KIF21A: variants seen among roughly 807,000 people sequenced by gnomAD.
KIF21A encodes kinesin-like protein KIF21A.
Under a neutral mutation model 202.9 loss-of-function variants are expected in KIF21A, and 114 were observed. That is an observed-to-expected ratio of 0.56 (90% CI 0.48 to 0.66). The LOEUF (loss-of-function observed/expected upper bound fraction) is 0.66. KIF21A is among the 30% of genes least tolerant of loss of function. The pLI is 0.00. For synonymous variants in KIF21A, 667 were observed against 670.8 expected, an observed-to-expected ratio of 0.99 and a Z score of 0.09; for missense variants, 1,677 against 1,994.9, an observed-to-expected ratio of 0.84 and a Z score of 3.04.
intron 1 of KIF21A, among the ~76,000 whole-genome samples, chr12:39,377,953 CAT>C (rs1240569321): frequency 6.6e-6 from 1 of 152,136 alleles, no homozygotes; most frequent in Admixed American, 6.5e-5. Flanking sequence ...CCACTGGACT[CAT>C]AAACTTTATG....
intron 27 of KIF21A, chr12:39,322,369 TAGG>T (rs1945370133): frequency 4.1e-6 from 1 of 243,990 alleles, no homozygotes; most frequent in Admixed American, 5.1e-5. Context: ...AACTTTAATT[TAGG>T]TATTTCTATA....
chr12:39,418,997 G>A (rs1420931756), intron 1 of KIF21A, among the ~76,000 whole-genome samples: 1 of 152,198 alleles, frequency 6.6e-6, no homozygotes, highest in Admixed American at 6.5e-5. Context: ...CTCTTAAGCG[G>A]AAAAGGCACA....
At chr12:39,401,717 A>T (rs1286056554) in intron 1 of KIF21A, among the ~76,000 whole-genome samples, 1 of 152,178 alleles carries the variant, frequency 6.6e-6, no homozygotes, top group Non-Finnish European at 1.5e-5. Flanking sequence ...AGAAGTGTTT[A>T]ATGTTGTCAC....
At position 39,386,989 on chromosome 12, in the gene KIF21A, G is replaced by A. The variant is rs1174798831; in HGVS notation, c.45-16728C>T. Among the ~76,000 whole-genome samples, 3 of 151,896 alleles carry A rather than the reference G, an allele frequency of 2.0e-5. No individual in the cohort carries two copies. In the East Asian group the frequency reaches 5.8e-4, roughly 29 times the overall value. ...TTCTCACCTAAGCATGGAGGTAACT[G>A]TCATTGATTAAGACACTGGAGAATT... On this transcript the variant is annotated intron_variant, in intron 1 of 37. Coordinates refer to ENST00000361418, the MANE Select transcript of KIF21A (RefSeq NM_001173464.2).
chr12:39,389,112 T>A (rs1951160252), intron 1 of KIF21A, among the ~76,000 whole-genome samples: 1 of 152,096 alleles, frequency 6.6e-6, no homozygotes, highest in Non-Finnish European at 1.5e-5. Context: ...TGTAAATGTC[T>A]GTCATACAGT....
intron 1 of KIF21A, among the ~76,000 whole-genome samples, chr12:39,402,441 T>A (rs953402440): frequency 1.3e-5 from 2 of 152,202 alleles, no homozygotes; most frequent in Admixed American, 1.3e-4. Flanking sequence ...CTTATGCCTA[T>A]AATTCCAACT....
At chr12:39,345,284 C>G (rs1409832905) in intron 12 of KIF21A, among the ~76,000 whole-genome samples, 1 of 152,100 alleles carries the variant, frequency 6.6e-6, no homozygotes, top group East Asian at 1.9e-4. Context: ...AATGACGCAT[C>G]TTATTTTTAC....
At chr12:39,388,347 GC>G (rs746200018) in intron 1 of KIF21A, among the ~76,000 whole-genome samples, 111 of 152,270 alleles carry the variant, frequency 7.3e-4, no homozygotes, top group Middle Eastern at 6.8e-3. Flanking sequence ...GCAGTCTGAA[GC>G]CCTCACCAGA....
At chr12:39,339,235 C>CAA (rs35065621) in intron 16 of KIF21A, among the ~76,000 whole-genome samples, 6,897 of 130,444 alleles carry the variant, frequency 0.053, 593 homozygotes, top group African/African-American at 0.17. Context: ...GACTCCCTCT[C>CAA]AAAAAAAAAA....
intron 1 of KIF21A, among the ~76,000 whole-genome samples, chr12:39,409,382 A>T (rs542039709): frequency 5.1e-4 from 74 of 145,166 alleles, no homozygotes; most frequent in African/African-American, 1.9e-3. Context: ...AATAAAAATT[A>T]AAAAAACAAA....
intron 1 of KIF21A, among the ~76,000 whole-genome samples, chr12:39,413,866 G>A (rs1362092926): frequency 6.6e-6 from 1 of 152,056 alleles, no homozygotes; most frequent in Non-Finnish European, 1.5e-5. Context: ...TGGAATTAAA[G>A]CTATTTTAAG....
At chr12:39,408,123 C>T (rs1455361430) in intron 1 of KIF21A, among the ~76,000 whole-genome samples, 1 of 151,946 alleles carries the variant, frequency 6.6e-6, no homozygotes, top group Non-Finnish European at 1.5e-5. Flanking sequence ...TTTATTAAAA[C>T]AGCAGTCCCT....
At chr12:39,390,454 C>A (rs1951265826) in intron 1 of KIF21A, among the ~76,000 whole-genome samples, 1 of 151,754 alleles carries the variant, frequency 6.6e-6, no homozygotes, top group African/African-American at 2.4e-5. Context: ...GATTTTATTT[C>A]CTTGAAGGTA....
At chr12:39,437,850 T>C (rs1460393132) in intron 1 of KIF21A, among the ~76,000 whole-genome samples, 1 of 152,208 alleles carries the variant, frequency 6.6e-6, no homozygotes, top group Non-Finnish European at 1.5e-5. Context: ...CAAATAACCA[T>C]CTATTTCCAT....
intron 10 of KIF21A, among the ~76,000 whole-genome samples, chr12:39,353,042 C>A (rs1049096163): frequency 6.6e-6 from 1 of 152,134 alleles, no homozygotes; most frequent in Non-Finnish European, 1.5e-5. Flanking sequence ...AAAACACAAC[C>A]TATCTCTCTC....
Position 39,317,925 on chromosome 12 carries a change from C to T in KIF21A, c.3908+148G>A, listed in dbSNP as rs1944745892. ...CTAATTTTGGCTGCATGGTTCCTTT[C>T]CCATTGGAAAGATGCATAAAATATG... On this transcript the variant is annotated intron_variant, in intron 29 of 37. Transcript: ENST00000361418. 7 of 788,954 alleles carry T rather than the reference C, an allele frequency of 8.9e-6. No individual in the cohort carries two copies. In the Admixed American group the frequency reaches 1.5e-4, roughly 17 times the overall value. The allele number at this position is 788,954 out of a possible 1,614,324, so 48.9% of individuals were successfully genotyped here. A position where few individuals can be genotyped will look rare whatever the true frequency, so the allele number is the denominator to read the frequency against.
intron 17 of KIF21A, among the ~76,000 whole-genome samples, chr12:39,333,967 C>A (rs1198229845): frequency 2.0e-5 from 3 of 151,696 alleles, no homozygotes; most frequent in Non-Finnish European, 4.4e-5. Flanking sequence ...TTTGGGAGGT[C>A]AAGGTGGGAG....
At chr12:39,394,767 A>AAT (rs1951611234) in intron 1 of KIF21A, among the ~76,000 whole-genome samples, 1 of 152,216 alleles carries the variant, frequency 6.6e-6, no homozygotes, top group South Asian at 2.1e-4. Flanking sequence ...ACAGCGACCT[A>AAT]ATATATAGTT....
chr12:39,308,387 C>CA lies in KIF21A; in HGVS notation c.4278-659dup, dbSNP rs751997520. Among the ~76,000 whole-genome samples, 324 of 123,118 alleles carry CA rather than the reference C, an allele frequency of 2.6e-3. 1 individual carries two copies. The highest frequency in any genetic ancestry group is 0.018 in the Middle Eastern group (4 of 228). 80.8% of individuals were successfully genotyped at this position (123,118 alleles called of 152,430 possible). A position where few individuals can be genotyped will look rare whatever the true frequency, so the allele number is the denominator to read the frequency against. ...TGGAAGACAGAGCAAGACTCCGTCT[C>CA]AAAAAAAAAAAAAATCAACAAATGA... On this transcript the variant is annotated intron_variant, in intron 33 of 37. Transcript: ENST00000361418.
Sources: gnomAD v4.1 joint callset for allele counts (sites outside exome capture counted in the v4.1 genomes callset) on GRCh38, gnomAD v4.1.1 for gene constraint, MANE v1.5 for transcripts, NCBI Gene and HGNC (gene_info 2026-07-23, HGNC 2026-07-21) for gene names.